Variants in ITGB8 observed in about 807,000 individuals in gnomAD.
ITGB8 encodes integrin beta-8.
A neutral mutation model predicts 89.5 loss-of-function variants in ITGB8; 30 were observed. The observed-to-expected ratio is 0.34, with a 90% CI of 0.25 to 0.45. The LOEUF (loss-of-function observed/expected upper bound fraction) is 0.45. ITGB8 is among the 20% of genes least tolerant of loss of function. The pLI, the probability that ITGB8 is intolerant of heterozygous loss-of-function variation, is 1.00. For missense variants in ITGB8, 836 were observed against 933.3 expected, an observed-to-expected ratio of 0.90 and a Z score of 1.36; for synonymous variants, 335 against 320.4, an observed-to-expected ratio of 1.05 and a Z score of -0.49.
rs1784403891 is a variant in ITGB8 at position 20,331,748 on chromosome 7, C to G, written c.-59C>G. On this transcript the variant is annotated 5_prime_UTR_variant, in exon 1 of 14. Coordinates refer to ENST00000222573, the MANE Select transcript of ITGB8 (RefSeq NM_002214.3). ...CGGGCCCCGAGGTGCGCCCGGGAGG[C>G]GCGAGCCCGCGTCCGGAAGGCAGTC... The G allele has an allele frequency of 4.5e-6, 7 of 1,551,116 alleles. No homozygotes were observed. The highest frequency in any genetic ancestry group is 6.1e-6 in the Non-Finnish European group (7 of 1,148,172).
intron 1 of ITGB8, among the ~76,000 whole-genome samples, chr7:20,337,096 C>G (rs571258468): frequency 6.6e-6 from 1 of 152,274 alleles, no homozygotes; most frequent in East Asian, 1.9e-4. Context: ...ACTCTTTAAT[C>G]TTATTTTTCA....
intron 3 of ITGB8, among the ~76,000 whole-genome samples, chr7:20,371,048 CCA>C (rs1287709006): frequency 6.6e-6 from 1 of 152,024 alleles, no homozygotes; most frequent in Non-Finnish European, 1.5e-5. Flanking sequence ...AACAATATCA[CCA>C]AACAAATAGG....
In ITGB8 at chr7:20,414,459, G is replaced by A. The variant is rs956991818; in HGVS notation, c.*4462G>A. 1.3e-5 allele frequency: 2 copies of A among 152,406 alleles called. No individual in the cohort carries two copies. The highest frequency in any genetic ancestry group is 2.9e-5 in the Non-Finnish European group (2 of 67,960). The allele number at this position is 152,406 out of a possible 1,614,324, so 9.4% of individuals were successfully genotyped here. A position where few individuals can be genotyped will look rare whatever the true frequency, so the allele number is the denominator to read the frequency against. On this transcript the variant is annotated 3_prime_UTR_variant, in exon 14 of 14. Transcript: ENST00000222573. The stretch of plus-strand genomic sequence containing the variant: ...TTATTATTTTTATTCTATTATATGA[G>A]ATCCTTTTATATTATCATCTCACTT...
chr7:20,367,313 A>G (rs570599113), intron 3 of ITGB8, 127 bp downstream of exon 3: 53 of 735,242 alleles, frequency 7.2e-5, no homozygotes, highest in African/African-American at 7.0e-4. Context: ...TGGACTCAGA[A>G]TCAAGAAATT....
chr7:20,341,537 G>A lies in ITGB8; in HGVS notation c.127+9604G>A, dbSNP rs1263453269. ...ACCAGTCTTTAGTTTAGAAGATATA[G>A]CATGTTTGATGCCTTGTAAAGAAGG... is the stretch of plus-strand genomic sequence containing the variant. On this transcript the variant is annotated intron_variant, in intron 1 of 13. Transcript: ENST00000222573. Among the ~76,000 whole-genome samples, 7 of 152,172 alleles carry A rather than the reference G, an allele frequency of 4.6e-5. 1 individual carries two copies. The East Asian group carries it at 1.3e-3, about 29-fold the overall frequency.
chr7:20,379,116 C>A lies in ITGB8; in HGVS notation c.454C>A (p.Leu152Ile). The change falls in exon 4 of 14, where the codon CTT becomes ATT. Residue 152 changes from leucine to isoleucine, a missense_variant. Around this residue, in one of 5 missense-constraint regions of ITGB8, gnomAD observed 38 missense variants for 52.2 expected, o/e 0.73. Coordinates refer to ENST00000222573, the MANE Select transcript of ITGB8 (RefSeq NM_002214.3). ...GAAATATCCTGTGGATCTTTATTAT[C>A]TTGTTGATGTCTCAGCATCAATGCA... ...LKKYPVDLYY[L>I]VDVSASMHNN... 1 of 1,598,282 alleles carries A rather than the reference C, an allele frequency of 6.3e-7. No homozygotes were observed. Among genetic ancestry groups the A allele is most frequent in the Middle Eastern group, 1.7e-4 (1 of 6,028 alleles).
intron 1 of ITGB8, among the ~76,000 whole-genome samples, chr7:20,362,436 G>A (rs1211564676): frequency 1.3e-5 from 2 of 152,150 alleles, no homozygotes; most frequent in Non-Finnish European, 2.9e-5. Flanking sequence ...GAAAGAAAAC[G>A]AGATGGCAAA....
intron 1 of ITGB8, among the ~76,000 whole-genome samples, chr7:20,336,000 CTTTTTTTTTTTTTTT>C (rs201113693): frequency 2.1e-5 from 2 of 96,390 alleles, no homozygotes; most frequent in East Asian, 2.5e-4. Context: ...TCTTGGTTTT[CTTTTTTTTTTTTTTT>C]TTTTTTTTGA....
chr7:20,376,514 G>T (rs1036535324), intron 3 of ITGB8, among the ~76,000 whole-genome samples: 5 of 152,174 alleles, frequency 3.3e-5, no homozygotes, highest in African/African-American at 1.2e-4. Flanking sequence ...TCCTCTTACT[G>T]TGGAATACTG....
At position 20,415,346 on chromosome 7, in the gene ITGB8, A is replaced by ATT. The variant is rs1787893548; in HGVS notation, c.*5350_*5351insTT. 1 of 151,838 alleles carries ATT rather than the reference A, an allele frequency of 6.6e-6. No individual in the cohort carries two copies. The highest frequency in any genetic ancestry group is 1.5e-5 in the Non-Finnish European group (1 of 67,850). The allele number at this position is 151,838 out of a possible 1,614,324, so 9.4% of individuals were successfully genotyped here. On this transcript the variant is annotated 3_prime_UTR_variant, in exon 14 of 14. Coordinates refer to ENST00000222573, the MANE Select transcript of ITGB8 (RefSeq NM_002214.3). ...AAACTTATTTTGTTTCACCTAACGA[A>ATT]TACTGCGTTTGTAAAAATAAATTTA...
intron 1 of ITGB8, 190 bp downstream of exon 1, chr7:20,332,123 G>C (rs1216017626): frequency 8.0e-7 from 1 of 1,256,328 alleles, no homozygotes; most frequent in South Asian, 1.7e-5. Flanking sequence ...TTCTGCCCTG[G>C]AGCGACAGCA....
At position 20,331,047 on chromosome 7, in the gene ITGB8, C is replaced by G. The variant is rs1056996558; in HGVS notation, c.-760C>G. The G allele has an allele frequency of 6.6e-6, 1 of 152,486 alleles. No homozygotes were observed. The highest frequency in any genetic ancestry group is 1.5e-5 in the Non-Finnish European group (1 of 68,202). The allele number at this position is 152,486 out of a possible 1,614,324, so 9.4% of individuals were successfully genotyped here. A position where few individuals can be genotyped will look rare whatever the true frequency, so the allele number is the denominator to read the frequency against. On this transcript the variant is annotated 5_prime_UTR_variant, in exon 1 of 14. Transcript: ENST00000222573. ...CCCTCCTGCGCTCGCAGCCGCAGGCCCCACTCCCCGCCAGGGAGGGAGCGG... is the reference window on the plus strand; with the variant it reads ...CCCTCCTGCGCTCGCAGCCGCAGGCGCCACTCCCCGCCAGGGAGGGAGCGG...
chr7:20,345,999 T>C lies in ITGB8; in HGVS notation c.127+14066T>C, dbSNP rs576506237. Reference sequence around the variant, plus strand: ...CATTTTCTAAAAACGAGAAAGCATCTCCCTGTGGTTGGTAAATGTCAGTGA... The same window carrying C: ...CATTTTCTAAAAACGAGAAAGCATCCCCCTGTGGTTGGTAAATGTCAGTGA... On this transcript the variant is annotated intron_variant, in intron 1 of 13. Coordinates refer to ENST00000222573, the MANE Select transcript of ITGB8 (RefSeq NM_002214.3). Among the ~76,000 whole-genome samples the C allele has an allele frequency of 2.6e-5, 4 of 152,278 alleles. No homozygotes were observed. In the South Asian group the frequency reaches 8.3e-4, roughly 32 times the overall value.
intron 1 of ITGB8, among the ~76,000 whole-genome samples, chr7:20,336,000 C>CCT (rs1318985514): frequency 4.1e-5 from 4 of 96,400 alleles, no homozygotes; most frequent in African/African-American, 1.7e-4. Context: ...TCTTGGTTTT[C>CCT]TTTTTTTTTT....
intron 1 of ITGB8, chr7:20,346,720 A>G: frequency 1.0e-6 from 1 of 985,348 alleles, no homozygotes; most frequent in Non-Finnish European, 1.2e-6. Context: ...TTGACTCCAG[A>G]TGATTAAAGT....
In ITGB8 at chr7:20,406,066, T is replaced by G; in HGVS notation, c.1918T>G (p.Cys640Gly). The G allele has an allele frequency of 1.3e-6, 2 of 1,585,076 alleles. No homozygotes were observed. The highest frequency in any genetic ancestry group is 1.7e-6 in the Non-Finnish European group (2 of 1,153,548). ...CYTACKENWNCMQCLHPHNLS... is the reference protein window; with the variant it reads ...CYTACKENWNGMQCLHPHNLS... ...CACTTCTGTTTCCCCTTGCAGGAAT[T>G]GTATGCAATGCCTTCACCCTCACAA... Residue 640 changes from cysteine (C) to glycine (G), a missense_variant, in exon 12 of 14, where the codon TGT becomes GGT. This residue lies in a region of ITGB8 where 422 missense variants were observed against 416.9 expected (regional missense o/e 1.01). Coordinates refer to ENST00000222573, the MANE Select transcript of ITGB8 (RefSeq NM_002214.3).
chr7:20,331,822 C>T lies in ITGB8; in HGVS notation c.16C>T (p.Leu6=). The T allele has an allele frequency of 5.6e-6, 9 of 1,613,180 alleles. No individual in the cohort carries two copies. Among genetic ancestry groups the T allele is most frequent in the Non-Finnish European group, 6.8e-6 (8 of 1,180,018 alleles). MCGSA[L]AFFTAAFVCL... ...GTTTTGCATTATGTGCGGCTCGGCC[C>T]TGGCTTTTTTTACCGCTGCATTTGT... The change falls in exon 1 of 14, where the codon CTG becomes TTG. Residue 6 remains leucine, a synonymous_variant. Coordinates refer to ENST00000222573, the MANE Select transcript of ITGB8 (RefSeq NM_002214.3).
rs146479637 is a variant in ITGB8 at position 20,375,205 on chromosome 7, G to GA, written c.389-3836dup. The stretch of plus-strand genomic sequence containing the variant: ...TGTTTGAAATTCTACATTCATAAAG[G>GA]AAAAAAAAAAGGAAATGTTATGGTC... On this transcript the variant is annotated intron_variant, in intron 3 of 13. Transcript: ENST00000222573. Among the ~76,000 whole-genome samples the GA allele has an allele frequency of 4.2e-3, 615 of 147,580 alleles. 7 individuals carry two copies. The highest frequency in any genetic ancestry group is 0.013 in the African/African-American group (532 of 40,214).
chr7:20,391,367 AT>A lies in ITGB8; in HGVS notation c.961-33del, dbSNP rs1294085436. 4 of 1,200,274 alleles carry A rather than the reference AT, an allele frequency of 3.3e-6. No homozygotes were observed. The Admixed American group carries it at 8.0e-5, about 24-fold the overall frequency. 74.4% of individuals were successfully genotyped at this position (1,200,274 alleles called of 1,614,324 possible). A position where few individuals can be genotyped will look rare whatever the true frequency, so the allele number is the denominator to read the frequency against. The stretch of plus-strand genomic sequence containing the variant: ...TGTTTGAATAGGATGGAGCTATGAA[AT>A]TTCATTCCCTTATTTATTTTATTAT... On this transcript the variant is annotated intron_variant, in intron 6 of 13. Transcript: ENST00000222573.
Sources: gnomAD v4.1 joint callset for allele counts (sites outside exome capture counted in the v4.1 genomes callset) on GRCh38, gnomAD v4.1.1 for gene constraint, gnomAD v4.1.1 regional missense constraint, MANE v1.5 for transcripts, NCBI Gene and HGNC (gene_info 2026-07-23, HGNC 2026-07-21) for gene names.